NUP98: variants seen among roughly 807,000 people sequenced by gnomAD.
The protein encoded by NUP98 is nucleoporin 98 and 96 precursor, also known as nuclear pore complex protein Nup98-Nup96.
In NUP98, 26 loss-of-function variants were observed where a neutral mutation model predicts 191.9. The ratio of observed to expected loss-of-function variants is 0.14; its 90% CI spans 0.10 to 0.19. The LOEUF is 0.19. NUP98 is among the 10% of genes least tolerant of loss of function. NUP98 has a pLI of 1.00. For missense variants in NUP98, 1,941 were observed against 2,178.8 expected (o/e 0.89, Z 2.17); for synonymous variants, 808 against 778.4 (o/e 1.04, Z -0.63).
chr11:3,764,556 T>C (rs1013839179), intron 8 of NUP98, among the ~76,000 whole-genome samples: 5 of 152,166 alleles, frequency 3.3e-5, no homozygotes, highest in Non-Finnish European at 5.9e-5. Flanking sequence ...GGGTTCCAAC[T>C]TCTCCAGGTT....
intron 6 of NUP98, 47 bp downstream of exon 6, chr11:3,773,585 A>G (rs1250455396): frequency 6.6e-6 from 8 of 1,214,958 alleles, no homozygotes; most frequent in Non-Finnish European, 9.5e-6. Context: ...CTGCATTCCA[A>G]TAAAATCAAA....
At chr11:3,760,362 G>T in intron 10 of NUP98, 177 bp downstream of exon 10, 1 of 825,670 alleles carries the variant, frequency 1.2e-6, no homozygotes, top group Non-Finnish European at 1.9e-6. Flanking sequence ...TTTCCCTCTG[G>T]TACTTCACAT....
intron 21 of NUP98, 152 bp from the exon 22 acceptor site, chr11:3,705,508 A>G (rs1045028052): frequency 1.4e-6 from 1 of 692,478 alleles, no homozygotes; most frequent in African/African-American, 1.8e-5. Context: ...ACCCCATTAC[A>G]CTGTGTGTGC....
chr11:3,712,865 T>G (rs186314206), intron 19 of NUP98, 137 bp from the exon 20 acceptor site: 1 of 781,858 alleles, frequency 1.3e-6, no homozygotes, highest in Non-Finnish European at 2.0e-6. Flanking sequence ...GCAAAATATA[T>G]CACCTATCAC....
At chr11:3,793,926 A>C (rs10835097) in intron 1 of NUP98, among the ~76,000 whole-genome samples, 1 of 151,770 alleles carries the variant, frequency 6.6e-6, no homozygotes, top group African/African-American at 2.4e-5. Context: ...CCAAGATCAC[A>C]TCATTGCACT....
At position 3,753,366 on chromosome 11, in the gene NUP98, T is replaced by G. The variant is rs1367809276; in HGVS notation, c.1217A>C (p.Lys406Thr). ...NTSGNSIFGS[K>T]PAPGTLGTGL... is the part of the protein sequence containing the mutation. ...AGTTCCAAGAGTCCCAGGTGCTGGT[T>G]TACTTCCAAAAATACTATTCCCACT... The change falls in exon 11 of 33, where the codon AAA becomes ACA. Residue 406 changes from lysine to threonine, a missense_variant. Physicochemically the swap from Lys to Thr is moderately conservative, Grantham distance 78 (BLOSUM62 -1). Transcript: ENST00000324932. 1 of 1,614,006 alleles carries G rather than the reference T, an allele frequency of 6.2e-7. No homozygotes were observed. Among genetic ancestry groups the G allele is most frequent in the East Asian group, 2.2e-5 (1 of 44,850 alleles).
rs749430737 is a variant in NUP98, at chr11:3,686,048, C to T, written c.4601G>A (p.Ser1534Asn). Reference protein sequence around the residue: ...SAQCEGVLQASYAGQLESEGL... With the variant: ...SAQCEGVLQANYAGQLESEGL... ...CTCACTTTCAAGCTGGCCAGCGTAA[C>T]TGGCCTGTAGCACACCTTCACACTG... Residue 1534 changes from serine (S) to asparagine (N), a missense_variant, in exon 29 of 33, where the codon AGT becomes AAT. By Grantham distance (46) the Ser-to-Asn change is conservative. This residue lies in a region of NUP98 where 1,030 missense variants were observed against 1,115.8 expected (regional missense o/e 0.92). Transcript: ENST00000324932. 2 of 1,614,234 alleles carry T rather than the reference C, an allele frequency of 1.2e-6. No individual in the cohort carries two copies. The highest frequency in any genetic ancestry group is 1.7e-6 in the Non-Finnish European group (2 of 1,180,046).
chr11:3,796,785 A>C (rs2082624045), intron 1 of NUP98, among the ~76,000 whole-genome samples: 1 of 152,180 alleles, frequency 6.6e-6, no homozygotes, highest in Non-Finnish European at 1.5e-5. Flanking sequence ...AGGGGGATTG[A>C]CTTAAACAAT....
chr11:3,768,814 A>C (rs1589925013), intron 7 of NUP98, 70 bp from the exon 8 acceptor site: 3 of 1,187,170 alleles, frequency 2.5e-6, no homozygotes, highest in South Asian at 2.0e-5. Flanking sequence ...AAAATACAAA[A>C]CCTTCCATTA....
intron 12 of NUP98, among the ~76,000 whole-genome samples, chr11:3,738,901 T>C (rs1020574239): frequency 6.6e-6 from 1 of 151,910 alleles, no homozygotes; most frequent in South Asian, 2.1e-4. Context: ...AAGGATTTGG[T>C]TTCCACACAA....
At position 3,731,320 on chromosome 11, in the gene NUP98, T is replaced by C. The variant is rs571464740; in HGVS notation, c.1730+71A>G. On this transcript the variant is annotated intron_variant, in intron 14 of 32. Transcript: ENST00000324932. Reference sequence around the variant, plus strand: ...TCACATCTATAATATATTTAAATAATTGTATATTATTTCATATTTAGTTTA... The same window carrying C: ...TCACATCTATAATATATTTAAATAACTGTATATTATTTCATATTTAGTTTA... 1,695 of 995,404 alleles carry C rather than the reference T, an allele frequency of 1.7e-3. 11 individuals are homozygous for C. The highest frequency in any genetic ancestry group is 2.7e-3 in the Admixed American group (82 of 30,466). 61.7% of individuals were successfully genotyped at this position (995,404 alleles called of 1,614,324 possible). A position where few individuals can be genotyped will look rare whatever the true frequency, so the allele number is the denominator to read the frequency against.
chr11:3,683,628 T>C (rs1016124688), intron 29 of NUP98, among the ~76,000 whole-genome samples, 187 bp from the exon 30 acceptor site: 1 of 151,760 alleles, frequency 6.6e-6, no homozygotes, highest in African/African-American at 2.4e-5. Flanking sequence ...AAATTCCACC[T>C]CCCAGGTTCA....
At chr11:3,750,837 T>C (rs566979745) in intron 11 of NUP98, among the ~76,000 whole-genome samples, 1 of 152,250 alleles carries the variant, frequency 6.6e-6, no homozygotes, top group South Asian at 2.1e-4. Flanking sequence ...CATCTTACTA[T>C]GTTGCTCAAG....
intron 1 of NUP98, among the ~76,000 whole-genome samples, chr11:3,786,038 T>C (rs1045307195): frequency 6.6e-6 from 1 of 152,126 alleles, no homozygotes. Flanking sequence ...TGCTTATGAA[T>C]TATCTCATGT....
intron 31 of NUP98, among the ~76,000 whole-genome samples, chr11:3,679,170 C>T (rs898412268): frequency 1.4e-5 from 2 of 147,442 alleles, no homozygotes; most frequent in African/African-American, 5.0e-5. Context: ...GACTTTAAAA[C>T]CCATATTTGC....
At chr11:3,792,846 C>T (rs1035254402) in intron 1 of NUP98, among the ~76,000 whole-genome samples, 9 of 152,028 alleles carry the variant, frequency 5.9e-5, no homozygotes, top group African/African-American at 9.7e-5. Flanking sequence ...AGGCCGGGCA[C>T]GGTGGCTCAC....
intron 1 of NUP98, among the ~76,000 whole-genome samples, chr11:3,786,381 C>T (rs2082141540): frequency 6.6e-6 from 1 of 152,064 alleles, no homozygotes; most frequent in South Asian, 2.1e-4. Context: ...TAAGGTATAC[C>T]CATGGCAAAG....
At chr11:3,760,446 C>A in intron 10 of NUP98, 93 bp downstream of exon 10, 1 of 1,560,270 alleles carries the variant, frequency 6.4e-7, no homozygotes, top group South Asian at 1.1e-5. Flanking sequence ...GTGGTATAGT[C>A]AGTGTAACTT....
chr11:3,679,269 TCTCA>T (rs1376847177), intron 31 of NUP98, among the ~76,000 whole-genome samples: 4 of 152,200 alleles, frequency 2.6e-5, no homozygotes, highest in Admixed American at 2.6e-4. Flanking sequence ...TCTTTGGGCT[TCTCA>T]CTCAAACTAG....
Sources: gnomAD v4.1 joint callset for allele counts (sites outside exome capture counted in the v4.1 genomes callset) on GRCh38, gnomAD v4.1.1 for gene constraint, gnomAD v4.1.1 regional missense constraint, MANE v1.5 for transcripts, NCBI Gene and HGNC (gene_info 2026-07-23, HGNC 2026-07-21) for gene names.